Variants in KCNQ3 observed in about 807,000 individuals in gnomAD.
KCNQ3 encodes potassium voltage-gated channel subfamily Q member 3.
In KCNQ3, 30 loss-of-function variants were observed where a neutral mutation model predicts 92.5. The observed-to-expected ratio is 0.32, with a 90% confidence interval of 0.24 to 0.44. The LOEUF (loss-of-function observed/expected upper bound fraction) is 0.44. Among genes scored for constraint, KCNQ3 ranks in the 20% least tolerant of loss-of-function variants. KCNQ3 has a pLI of 1.00. For missense variants in KCNQ3, 913 were observed against 1,140.3 expected (o/e 0.80, Z 2.87); for synonymous variants, 450 against 468.8 (o/e 0.96, Z 0.52).
chr8:132,296,910 T>G (rs1345263424), intron 1 of KCNQ3, among the ~76,000 whole-genome samples: 1 of 152,080 alleles, frequency 6.6e-6, no homozygotes, highest in Non-Finnish European at 1.5e-5. Context: ...TACCCAGTAA[T>G]GGGATGGCTG....
intron 1 of KCNQ3, among the ~76,000 whole-genome samples, chr8:132,349,450 G>A (rs912357406): frequency 2.0e-5 from 3 of 152,244 alleles, no homozygotes; most frequent in Non-Finnish European, 4.4e-5. Flanking sequence ...GAAGTCTGCT[G>A]TACTTGGTGA....
chr8:132,300,993 G>A (rs1004492063), intron 1 of KCNQ3, among the ~76,000 whole-genome samples: 2 of 152,156 alleles, frequency 1.3e-5, no homozygotes, highest in African/African-American at 4.8e-5. Context: ...GCCAGCCAAT[G>A]AAGAAAGAGA....
chr8:132,370,031 T>A (rs1038767647), intron 1 of KCNQ3, among the ~76,000 whole-genome samples: 1 of 152,172 alleles, frequency 6.6e-6, no homozygotes, highest in Admixed American at 6.5e-5. Context: ...TAAGACTTGG[T>A]GGAAACCTCT....
chr8:132,229,892 T>C (rs868339974), intron 1 of KCNQ3, among the ~76,000 whole-genome samples: 13 of 152,048 alleles, frequency 8.5e-5, no homozygotes, highest in Non-Finnish European at 1.9e-4. Context: ...TCAGGAGACG[T>C]GGTGGAAGGG....
chr8:132,160,128 G>C (rs1586784573), intron 9 of KCNQ3, among the ~76,000 whole-genome samples: 1 of 152,342 alleles, frequency 6.6e-6, no homozygotes, highest in South Asian at 2.1e-4. Flanking sequence ...CATTAGGCAG[G>C]CTTGCAAAGG....
At chr8:132,249,244 G>A (rs1189116145) in intron 1 of KCNQ3, among the ~76,000 whole-genome samples, 1 of 152,176 alleles carries the variant, frequency 6.6e-6, no homozygotes. Context: ...GGGGCAGCCT[G>A]CTTTTATTCC....
At chr8:132,338,615 G>A (rs1437999012) in intron 1 of KCNQ3, among the ~76,000 whole-genome samples, 1 of 152,204 alleles carries the variant, frequency 6.6e-6, no homozygotes, top group Non-Finnish European at 1.5e-5. Context: ...GGGAAGCCGA[G>A]GGTGTGAGAA....
intron 1 of KCNQ3, among the ~76,000 whole-genome samples, chr8:132,400,094 C>T (rs1820295435): frequency 6.6e-6 from 1 of 152,214 alleles, no homozygotes; most frequent in African/African-American, 2.4e-5. Flanking sequence ...GAGCAGTGAG[C>T]TGGAATTGTC....
chr8:132,353,880 T>C (rs1462488671), intron 1 of KCNQ3, among the ~76,000 whole-genome samples: 1 of 152,176 alleles, frequency 6.6e-6, no homozygotes, highest in African/African-American at 2.4e-5. Flanking sequence ...GATGAGGTCA[T>C]AGGCAAGAGA....
At position 132,171,805 on chromosome 8, in the gene KCNQ3, G is replaced by T. The variant is rs371360366; in HGVS notation, c.1140+793C>A. On this transcript the variant is annotated intron_variant, in intron 7 of 14. Transcript: ENST00000388996. ...AATCTGAGGGGAAGTAGAAGGAGAA[G>T]AAAGCCTAGTGCAGCCCCAGGTCCA... Among the ~76,000 whole-genome samples, 189 of 152,180 alleles carry T rather than the reference G, an allele frequency of 1.2e-3. 1 individual carries two copies. Among genetic ancestry groups the T allele is most frequent in the African/African-American group, 4.3e-3 (177 of 41,528 alleles).
At chr8:132,402,398 C>A (rs1247986975) in intron 1 of KCNQ3, among the ~76,000 whole-genome samples, 1 of 152,188 alleles carries the variant, frequency 6.6e-6, no homozygotes, top group Non-Finnish European at 1.5e-5. Context: ...CAAGGCAAAT[C>A]TCAGCTAAAT....
At chr8:132,465,669 A>G (rs892907550) in intron 1 of KCNQ3, among the ~76,000 whole-genome samples, 5 of 152,152 alleles carry the variant, frequency 3.3e-5, no homozygotes, top group Non-Finnish European at 7.4e-5. Context: ...ACATGAACCC[A>G]GGAGGTGGAG....
chr8:132,350,625 G>A (rs921513602), intron 1 of KCNQ3, among the ~76,000 whole-genome samples: 14 of 152,216 alleles, frequency 9.2e-5, no homozygotes, highest in Non-Finnish European at 1.5e-4. Context: ...GCACCACAGA[G>A]CAAAGAAGGG....
chr8:132,170,281 C>G (rs185759046), intron 8 of KCNQ3, 53 bp downstream of exon 8: 2 of 1,305,224 alleles, frequency 1.5e-6, no homozygotes, highest in Non-Finnish European at 2.2e-6. Context: ...GAATACAGAC[C>G]GCAGGAGAGA....
At chr8:132,378,996 G>C (rs972251331) in intron 1 of KCNQ3, among the ~76,000 whole-genome samples, 1 of 152,226 alleles carries the variant, frequency 6.6e-6, no homozygotes, top group African/African-American at 2.4e-5. Context: ...GAACCATAAA[G>C]TTATTGAACG....
chr8:132,424,469 G>T (rs915348712), intron 1 of KCNQ3, among the ~76,000 whole-genome samples: 5 of 152,188 alleles, frequency 3.3e-5, no homozygotes, highest in African/African-American at 1.2e-4. Context: ...AAAATAGATT[G>T]TTTCAAGTCC....
At position 132,259,561 on chromosome 8, in the gene KCNQ3, T is replaced by C. The variant is rs183754103; in HGVS notation, c.387-73380A>G. Among the ~76,000 whole-genome samples, 745 of 152,272 alleles carry C rather than the reference T, an allele frequency of 4.9e-3. 7 individuals carry two copies. The highest frequency in any genetic ancestry group is 0.017 in the African/African-American group (720 of 41,566). On this transcript the variant is annotated intron_variant, in intron 1 of 14. Transcript: ENST00000388996. ...AACACAGTCCTTGGTAGTAAACGAC[T>C]GAATTCTTTGCCCCACAAAATCAGG...
intron 1 of KCNQ3, among the ~76,000 whole-genome samples, chr8:132,355,392 C>A (rs1818992210): frequency 2.6e-5 from 4 of 151,916 alleles, no homozygotes; most frequent in Admixed American, 2.6e-4. Flanking sequence ...AGAAGCTGTC[C>A]CTCCGTTATC....
At position 132,184,336 on chromosome 8, in the gene KCNQ3, T is replaced by G. The variant is rs777833596; in HGVS notation, c.509A>C (p.Glu170Ala). 6.2e-7 allele frequency: 1 copy of G among 1,614,044 alleles called. No individual in the cohort carries two copies. ...AGCAGCCCAGATCCTCAAAGCAAAC[T>G]CGGCTCCAAAGATGAAAATAGCAAA... ...ETFAIFIFGA[E>A]FALRIWAAGC... is the part of the protein sequence containing the mutation. Residue 170 changes from glutamate to alanine, a missense_variant, in exon 3 of 15, where the codon GAG (glutamate) becomes GCG (alanine). Transcript: ENST00000388996.
Sources: gnomAD v4.1 joint callset for allele counts (sites outside exome capture counted in the v4.1 genomes callset) on GRCh38, gnomAD v4.1.1 for gene constraint, MANE v1.5 for transcripts, NCBI Gene and HGNC (gene_info 2026-07-23, HGNC 2026-07-21) for gene names.